ST6GALNAC5: variants seen among roughly 807,000 people sequenced by gnomAD.
ST6GALNAC5 encodes alpha-N-acetylgalactosaminide alpha-2,6-sialyltransferase 5.
In ST6GALNAC5, 27 loss-of-function variants were observed where a neutral mutation model predicts 33.6. That is an observed-to-expected ratio of 0.80 (90% CI 0.59 to 1.11). The LOEUF (loss-of-function observed/expected upper bound fraction) is 1.11, where lower values mean the gene tolerates loss of function less well. Among genes scored for constraint, ST6GALNAC5 ranks in the 50% least tolerant of loss-of-function variants. ST6GALNAC5 has a pLI of 0.00. For missense variants in ST6GALNAC5, 428 were observed against 454.0 expected (o/e 0.94, Z 0.52); for synonymous variants, 194 against 171.2 (o/e 1.13, Z -1.04).
intron 2 of ST6GALNAC5, among the ~76,000 whole-genome samples, chr1:77,011,969 T>A (rs568067186): frequency 6.6e-6 from 1 of 152,296 alleles, no homozygotes; most frequent in South Asian, 2.1e-4. Flanking sequence ...ATTTTACAGA[T>A]GAGAAAAGAC....
At chr1:76,870,161 T>C (rs1653466670) in intron 2 of ST6GALNAC5, among the ~76,000 whole-genome samples, 1 of 152,186 alleles carries the variant, frequency 6.6e-6, no homozygotes, top group African/African-American at 2.4e-5. Flanking sequence ...CAATTACAGC[T>C]TTTGTTTCCG....
chr1:76,990,285 T>C (rs1649673436), intron 2 of ST6GALNAC5, among the ~76,000 whole-genome samples: 1 of 152,114 alleles, frequency 6.6e-6, no homozygotes, highest in Admixed American at 6.5e-5. Context: ...TGGCCAAAAA[T>C]AGTACAAGAA....
At chr1:76,931,448 TA>T (rs1472246681) in intron 2 of ST6GALNAC5, among the ~76,000 whole-genome samples, 6 of 152,266 alleles carry the variant, frequency 3.9e-5, no homozygotes, top group Admixed American at 1.3e-4. Context: ...TTCCCAAATT[TA>T]ACCTCCAAGC....
chr1:76,929,532 C>T (rs1647117427), intron 2 of ST6GALNAC5, among the ~76,000 whole-genome samples: 1 of 151,968 alleles, frequency 6.6e-6, no homozygotes, highest in Admixed American at 6.6e-5. Context: ...AAGTGAGACC[C>T]CATCTCTAAG....
rs541966719 is a variant in ST6GALNAC5 at position 77,060,524 on chromosome 1, C to T, written c.780-2451C>T. ...CTGGGGTAGATGTTCCTGCAGTTTC[C>T]AGCGCTGCCTTCTGAGTCCCAGAAA... On this transcript the variant is annotated intron_variant, in intron 4 of 4. Transcript: ENST00000477717. Among the ~76,000 whole-genome samples, 14 of 152,254 alleles carry T rather than the reference C, an allele frequency of 9.2e-5. No individual in the cohort carries two copies. In the South Asian group the frequency reaches 2.9e-3, roughly 32 times the overall value.
At chr1:77,013,529 C>A (rs1650717814) in intron 2 of ST6GALNAC5, among the ~76,000 whole-genome samples, 1 of 152,222 alleles carries the variant, frequency 6.6e-6, no homozygotes, top group Admixed American at 6.5e-5. Context: ...CCTCTCCTAA[C>A]CTGCAGTCAT....
chr1:77,001,003 A>C (rs1473081299), intron 2 of ST6GALNAC5, among the ~76,000 whole-genome samples: 1 of 151,406 alleles, frequency 6.6e-6, no homozygotes, highest in African/African-American at 2.4e-5. Context: ...ATGAACTTTA[A>C]AGTAGTTTTT....
In ST6GALNAC5 at chr1:76,997,537, C is replaced by T. The variant is rs1389690536; in HGVS notation, c.262-46667C>T. On this transcript the variant is annotated intron_variant, in intron 2 of 4. Transcript: ENST00000477717. ...TTTCTAGAACTTTTAATAGACGAGC[C>T]CTCATAAGTAAGATCCAGGCAACCA... Among the ~76,000 whole-genome samples, 4 of 152,200 alleles carry T rather than the reference C, an allele frequency of 2.6e-5. No homozygotes were observed. In the East Asian group the frequency reaches 7.7e-4, roughly 29 times the overall value.
chr1:76,919,763 C>G (rs1050331616), intron 2 of ST6GALNAC5, among the ~76,000 whole-genome samples: 1 of 152,136 alleles, frequency 6.6e-6, no homozygotes, highest in East Asian at 1.9e-4. Context: ...AAACTTCTGA[C>G]CTTTCTTCAT....
intron 2 of ST6GALNAC5, among the ~76,000 whole-genome samples, chr1:76,932,972 C>G (rs946043970): frequency 2.0e-5 from 3 of 152,114 alleles, no homozygotes; most frequent in African/African-American, 7.2e-5. Context: ...CAGTCACCAT[C>G]CCTGTTTTCC....
chr1:76,982,571 C>G (rs1291013767), intron 2 of ST6GALNAC5, among the ~76,000 whole-genome samples: 1 of 152,262 alleles, frequency 6.6e-6, no homozygotes, highest in African/African-American at 2.4e-5. Context: ...CGGATGAAGC[C>G]AAGTTGGAAA....
chr1:76,897,726 G>A (rs148457673), intron 2 of ST6GALNAC5, among the ~76,000 whole-genome samples: 2,751 of 152,246 alleles, frequency 0.018, 84 homozygotes, highest in African/African-American at 0.062. Flanking sequence ...AGATAATTTA[G>A]TTAAAGTGTC....
chr1:76,922,105 A>T (rs1410120892), intron 2 of ST6GALNAC5, among the ~76,000 whole-genome samples: 2 of 152,250 alleles, frequency 1.3e-5, no homozygotes, highest in Non-Finnish European at 2.9e-5. Context: ...TCTATTTAGG[A>T]AATTCCAAGG....
chr1:77,054,666 G>C (rs1652333238), intron 4 of ST6GALNAC5, among the ~76,000 whole-genome samples: 1 of 152,098 alleles, frequency 6.6e-6, no homozygotes, highest in African/African-American at 2.4e-5. Context: ...TCTTGGGGGA[G>C]CAAACTGCCA....
At chr1:76,983,223 G>A (rs1408525281) in intron 2 of ST6GALNAC5, among the ~76,000 whole-genome samples, 3 of 152,116 alleles carry the variant, frequency 2.0e-5, no homozygotes, top group Non-Finnish European at 4.4e-5. Context: ...TGGCAAATTG[G>A]ATAAAGAGTC....
intron 2 of ST6GALNAC5, among the ~76,000 whole-genome samples, chr1:76,874,813 A>G (rs1369715879): frequency 6.6e-6 from 1 of 152,136 alleles, no homozygotes; most frequent in Non-Finnish European, 1.5e-5. Context: ...GACACTCAGT[A>G]TTAACCATCG....
chr1:77,033,452 A>G (rs1332093446), intron 2 of ST6GALNAC5, among the ~76,000 whole-genome samples: 2 of 152,234 alleles, frequency 1.3e-5, no homozygotes, highest in East Asian at 3.9e-4. Context: ...GAGGTGGTGA[A>G]CTGTACCTCA....
intron 2 of ST6GALNAC5, among the ~76,000 whole-genome samples, chr1:77,015,296 G>A (rs1317118733): frequency 6.6e-6 from 1 of 152,176 alleles, no homozygotes; most frequent in East Asian, 1.9e-4. Flanking sequence ...CAGAAAAACA[G>A]GTTGTTAATC....
At chr1:77,058,945 G>A (rs1234638995) in intron 4 of ST6GALNAC5, among the ~76,000 whole-genome samples, 1 of 152,230 alleles carries the variant, frequency 6.6e-6, no homozygotes, top group Non-Finnish European at 1.5e-5. Context: ...CGCAGAAGCT[G>A]AGCAGGTACT....
Sources: gnomAD v4.1 joint callset for allele counts (sites outside exome capture counted in the v4.1 genomes callset) on GRCh38, gnomAD v4.1.1 for gene constraint, MANE v1.5 for transcripts, NCBI Gene and HGNC (gene_info 2026-07-23, HGNC 2026-07-21) for gene names.